MSI2: variants seen among roughly 807,000 people sequenced by gnomAD.
MSI2 encodes the protein RNA-binding protein Musashi homolog 2.
MSI2 carries 17 observed loss-of-function variants against 45.6 expected under a neutral mutation model. The observed-to-expected ratio is 0.37, with a 90% CI of 0.26 to 0.56. The LOEUF (loss-of-function observed/expected upper bound fraction) is 0.56, where lower values mean the gene tolerates loss of function less well. Ranked by LOEUF, MSI2 falls within the 20% of genes least tolerant of loss-of-function variation. The pLI is 0.77. For missense variants in MSI2, 293 were observed against 444.2 expected, an observed-to-expected ratio of 0.66 and a Z score of 3.06; for synonymous variants, 156 against 158.2, an observed-to-expected ratio of 0.99 and a Z score of 0.11.
intron 5 of MSI2, among the ~76,000 whole-genome samples, chr17:57,367,391 A>T (rs918801717): frequency 6.6e-6 from 1 of 152,062 alleles, no homozygotes; most frequent in Admixed American, 6.5e-5. Flanking sequence ...TTCCCTTCTG[A>T]AGGGATCTCA....
At chr17:57,624,240 AC>A (rs1296027856) in intron 9 of MSI2, among the ~76,000 whole-genome samples, 2 of 151,572 alleles carry the variant, frequency 1.3e-5, no homozygotes, top group African/African-American at 4.9e-5. Context: ...AATATTTAAG[AC>A]CCCCAGCTCT....
chr17:57,700,228 C>T, the MSI2 span, among the ~76,000 whole-genome samples: 2 of 152,134 alleles, frequency 1.3e-5, no homozygotes, highest in African/African-American at 2.4e-5. Flanking sequence ...TGGTCTAGCT[C>T]GGCTGTGCTT....
chr17:57,577,492 C>T (rs1385033283), intron 7 of MSI2, among the ~76,000 whole-genome samples: 1 of 152,078 alleles, frequency 6.6e-6, no homozygotes, highest in African/African-American at 2.4e-5. Context: ...ATCTTTAAGC[C>T]CTGGTCTCCA....
chr17:57,335,970 T>C (rs1914664095), intron 5 of MSI2, among the ~76,000 whole-genome samples: 1 of 152,176 alleles, frequency 6.6e-6, no homozygotes, highest in Admixed American at 6.5e-5. Flanking sequence ...ATTTATTCGG[T>C]GTGCAAGGGG....
the MSI2 span, among the ~76,000 whole-genome samples, chr17:57,691,098 G>A: frequency 6.6e-6 from 1 of 151,960 alleles, no homozygotes; most frequent in African/African-American, 2.4e-5. Flanking sequence ...TTGTACCTTT[G>A]TCAAAAATCA....
intron 10 of MSI2, among the ~76,000 whole-genome samples, chr17:57,651,321 T>G (rs57064349): frequency 0.011 from 1,741 of 152,200 alleles, 35 homozygotes; most frequent in African/African-American, 0.04. Flanking sequence ...AGTGCCAGCT[T>G]CATCTAGACC....
chr17:57,692,608 A>G, the MSI2 span, among the ~76,000 whole-genome samples: 1 of 152,112 alleles, frequency 6.6e-6, no homozygotes, highest in Non-Finnish European at 1.5e-5. Context: ...TTGTAATGCA[A>G]ATCTGCTGGT....
At chr17:57,473,465 C>T (rs1049913165) in intron 6 of MSI2, among the ~76,000 whole-genome samples, 4 of 152,260 alleles carry the variant, frequency 2.6e-5, no homozygotes, top group Admixed American at 2.0e-4. Flanking sequence ...AATTCATTGA[C>T]GGCAAAAAGA....
At chr17:57,260,285 A>G (rs1907188616) in intron 4 of MSI2, among the ~76,000 whole-genome samples, 1 of 152,194 alleles carries the variant, frequency 6.6e-6, no homozygotes, top group Admixed American at 6.5e-5. Context: ...TTGCACACTG[A>G]GGAACTTCGA....
intron 5 of MSI2, among the ~76,000 whole-genome samples, chr17:57,288,507 C>T (rs1910120300): frequency 6.6e-6 from 1 of 152,236 alleles, no homozygotes; most frequent in Non-Finnish European, 1.5e-5. Flanking sequence ...GTCCCAGCTT[C>T]TCCTGGGTCA....
intron 5 of MSI2, 162 bp downstream of exon 5, chr17:57,262,354 G>C: frequency 1.5e-6 from 1 of 647,864 alleles, no homozygotes; most frequent in Non-Finnish European, 2.5e-6. Flanking sequence ...ATAACCATGC[G>C]TCTCTAAGTT....
Position 57,318,645 on chromosome 17 carries a change from G to A in MSI2, c.312+56453G>A, listed in dbSNP as rs75755766. 6.1e-4 allele frequency among the ~76,000 whole-genome samples: 92 copies of A among 151,684 alleles called. 1 individual carries two copies. The East Asian group carries it at 0.017, about 28-fold the overall frequency. On this transcript the variant is annotated intron_variant, in intron 5 of 13. Transcript: ENST00000284073. ...CCGGGTCTGAAAAGGTGCCTGTTGT[G>A]GGGGGTGGGGGCGGAGGGTCCCGGG... is the stretch of plus-strand genomic sequence containing the variant.
the MSI2 span, among the ~76,000 whole-genome samples, chr17:57,699,859 C>G: frequency 6.6e-6 from 1 of 152,228 alleles, no homozygotes; most frequent in African/African-American, 2.4e-5. Flanking sequence ...GCCACCCCTC[C>G]CACAGGTCTC....
chr17:57,467,155 C>T (rs754821084), intron 6 of MSI2, among the ~76,000 whole-genome samples: 6 of 152,222 alleles, frequency 3.9e-5, no homozygotes. Context: ...AATAAACAAA[C>T]CTCTTATTGA....
At chr17:57,390,075 C>CAAAAA (rs55932533) in intron 5 of MSI2, among the ~76,000 whole-genome samples, 1 of 139,326 alleles carries the variant, frequency 7.2e-6, no homozygotes, top group Non-Finnish European at 1.5e-5. Context: ...CTGTCTTTAC[C>CAAAAA]AAAAAAAAAA....
intron 5 of MSI2, among the ~76,000 whole-genome samples, chr17:57,392,700 T>C (rs2083816892): frequency 6.6e-6 from 1 of 152,178 alleles, no homozygotes; most frequent in Admixed American, 6.6e-5. Flanking sequence ...CGTAAAATAT[T>C]GTTATACCTT....
At chr17:57,291,980 T>C (rs1340619663) in intron 5 of MSI2, among the ~76,000 whole-genome samples, 3 of 152,064 alleles carry the variant, frequency 2.0e-5, no homozygotes, top group Non-Finnish European at 2.9e-5. Context: ...GCCTTTACCA[T>C]GGGCAGAGTG....
At chr17:57,648,882 T>C (rs1910900626) in intron 10 of MSI2, among the ~76,000 whole-genome samples, 1 of 152,122 alleles carries the variant, frequency 6.6e-6, no homozygotes, top group Non-Finnish European at 1.5e-5. Flanking sequence ...TGGGGGAAAA[T>C]GCTGAAGACA....
intron 11 of MSI2, among the ~76,000 whole-genome samples, chr17:57,672,588 A>G (rs1912878608): frequency 6.6e-6 from 1 of 152,196 alleles, no homozygotes; most frequent in African/African-American, 2.4e-5. Context: ...GGCCTGCCCA[A>G]CACCTTCCTG....
Sources: allele counts gnomAD v4.1 joint callset (sites outside exome capture counted in the v4.1 genomes callset), GRCh38; gene constraint gnomAD v4.1.1; transcripts MANE v1.5; gene names NCBI Gene and HGNC (gene_info 2026-07-23, HGNC 2026-07-21).